Variants in MEFV observed in about 807,000 individuals in gnomAD.
MEFV encodes the protein MEFV innate immunity regulator, pyrin.
In MEFV, 60 loss-of-function variants were observed where a neutral mutation model predicts 62.5. That is an observed-to-expected ratio of 0.96 (90% CI 0.78 to 1.19). The LOEUF is 1.19. Among genes scored for constraint, MEFV ranks in the 50% most tolerant of loss-of-function variants. The pLI is 0.00. For synonymous variants in MEFV, 500 were observed against 415.2 expected, an observed-to-expected ratio of 1.20 and a Z score of -2.48; for missense variants, 1,169 against 1,004.5, an observed-to-expected ratio of 1.16 and a Z score of -2.21.
intron 7 of MEFV, 43 bp from the exon 8 acceptor site, chr16:3,244,329 C>T (rs1398331671): frequency 6.2e-7 from 1 of 1,613,628 alleles, no homozygotes. Context: ...GGAGTTAGGT[C>T]CCTCAGCCAG....
chr16:3,247,113 G>A lies in MEFV; in HGVS notation c.1490C>T (p.Ala497Val), dbSNP rs752603411. 1 of 1,614,242 alleles carries A rather than the reference G, an allele frequency of 6.2e-7. No homozygotes were observed. The highest frequency in any genetic ancestry group is 1.1e-5 in the South Asian group (1 of 91,086). The change falls in exon 5 of 10, where the codon GCA (alanine) becomes GTA (valine). Residue 497 changes from alanine (A) to valine (V), a missense_variant. Ala to Val is a moderately conservative substitution (Grantham distance 64). Coordinates refer to ENST00000219596, the MANE Select transcript of MEFV (RefSeq NM_000243.3). Reference protein sequence around the residue: ...VGQMVGQIRKAYDTRVSQDIA... With the variant: ...VGQMVGQIRKVYDTRVSQDIA... ...GTCCTGGGATACGCGGGTGTCATAT[G>A]CCTTCCTGATCTGCCCAACCATCTG...
Position 3,243,688 on chromosome 16 carries a change from A to G in MEFV, c.1799T>C (p.Val600Ala). ...LIGAQAHAVN[V>A]ILDAETAYPN... ...GTAAGCGGTTTCTGCATCCAGAATC[A>G]CATTAACTGCAAAGAAAATTTGAAT... The change falls in exon 10 of 10, where the codon GTG (valine) becomes GCG (alanine). Residue 600 changes from valine to alanine, a missense_variant. Val to Ala is a moderately conservative substitution (Grantham distance 64). Coordinates refer to ENST00000219596, the MANE Select transcript of MEFV (RefSeq NM_000243.3). The G allele has an allele frequency of 1.9e-6, 3 of 1,610,364 alleles. No homozygotes were observed. Among genetic ancestry groups the G allele is most frequent in the Non-Finnish European group, 1.7e-6 (2 of 1,178,252 alleles).
At position 3,254,332 on chromosome 16, in the gene MEFV, T is replaced by G; in HGVS notation, c.736A>C (p.Thr246Pro). ...GKMRPRSLEVTISTGEKAPAN... is the reference protein window; with the variant it reads ...GKMRPRSLEVPISTGEKAPAN... ...GGCGCCTTCTCCCCTGTAGAAATGG[T>G]GACCTCAAGGCTTCTAGGTCGCATC... The change falls in exon 2 of 10, where the codon ACC (threonine) becomes CCC (proline). Residue 246 changes from threonine to proline, a missense_variant. By Grantham distance (38) the Thr-to-Pro change is conservative. Coordinates refer to ENST00000219596, the MANE Select transcript of MEFV (RefSeq NM_000243.3). 1.2e-6 allele frequency: 2 copies of G among 1,614,240 alleles called. No individual in the cohort carries two copies. The highest frequency in any genetic ancestry group is 1.7e-6 in the Non-Finnish European group (2 of 1,180,040).
rs146056774 is a variant in MEFV, at chr16:3,254,237, G to C, written c.831C>G (p.Pro277=). The C allele has an allele frequency of 6.2e-7, 1 of 1,614,156 alleles. No individual in the cohort carries two copies. Among genetic ancestry groups the C allele is most frequent in the Non-Finnish European group, 8.5e-7 (1 of 1,180,050 alleles). Residue 277 remains proline, a synonymous_variant, in exon 2 of 10, where the codon CCC becomes CCG. Transcript: ENST00000219596. Reference sequence around the variant, plus strand: ...CTCCATCCGGAGTGGGCCTTGCCCGGGGTTCTGTTGCCGAGTCCAGATTCG... The same window carrying C: ...CTCCATCCGGAGTGGGCCTTGCCCGCGGTTCTGTTGCCGAGTCCAGATTCG... ...TAANLDSATE[P]RARPTPDGGA...
rs1959084605 is a variant in MEFV, at chr16:3,254,468, C to A, written c.600G>T (p.Glu200Asp). The A allele has an allele frequency of 6.3e-7, 1 of 1,599,570 alleles. No individual in the cohort carries two copies. The highest frequency in any genetic ancestry group is 1.7e-5 in the Admixed American group (1 of 58,440). Residue 200 changes from glutamate (E) to aspartate (D), a missense_variant, in exon 2 of 10, where the codon GAG becomes GAT. Glu to Asp is a conservative substitution (Grantham distance 45, BLOSUM62 2). Coordinates refer to ENST00000219596, the MANE Select transcript of MEFV (RefSeq NM_000243.3). Reference sequence around the variant, plus strand: ...AGCTGGCGTTTCTGCGCAGCCGGACCTCGGCCTGGCCCCCCTCTAGCGCCC... The same window carrying A: ...AGCTGGCGTTTCTGCGCAGCCGGACATCGGCCTGGCCCCCCTCTAGCGCCC... ...PCRALEGGQAEVRLRRNASSA... is the reference protein window; with the variant it reads ...PCRALEGGQADVRLRRNASSA...
Position 3,243,660 on chromosome 16 carries a change from G to C in MEFV, c.1827C>G (p.Pro609=), listed in dbSNP as rs104895135. Residue 609 remains proline, a synonymous_variant, in exon 10 of 10, where the codon CCC becomes CCG. Transcript: ENST00000219596. The part of the protein sequence containing the change: ...NVILDAETAY[P]NLIFSDDLKS... Reference sequence around the variant, plus strand: ...TCAGATCATCAGAGAAGATGAGGTTGGGGTAAGCGGTTTCTGCATCCAGAA... The same window carrying C: ...TCAGATCATCAGAGAAGATGAGGTTCGGGTAAGCGGTTTCTGCATCCAGAA... 5.3e-5 allele frequency: 85 copies of C among 1,605,450 alleles called. No individual in the cohort carries two copies. In the African/African-American group the frequency reaches 1.0e-3, roughly 19 times the overall value.
Position 3,247,080 on chromosome 16 carries a change from A to G in MEFV, c.1523T>C (p.Leu508Pro). ...CAGTTCCCCAATCAGCGCATCGAGC[A>G]GGGCGATGTCCTGGGATACGCGGGT... ...YDTRVSQDIA[L>P]LDALIGELEA... Residue 508 changes from leucine to proline, a missense_variant, in exon 5 of 10, where the codon CTG (leucine) becomes CCG (proline). By Grantham distance (98) the Leu-to-Pro change is moderately conservative. Transcript: ENST00000219596. The G allele has an allele frequency of 1.2e-6, 2 of 1,614,190 alleles. No individual in the cohort carries two copies. The highest frequency in any genetic ancestry group is 1.1e-5 in the South Asian group (1 of 91,080).
In MEFV at chr16:3,254,537, G is replaced by A; in HGVS notation, c.531C>T (p.Thr177=). The stretch of plus-strand genomic sequence containing the variant: ...TCCCGCCCGGCAGGGCCGGGCTCCG[G>A]GTCCGAGGCTTGCCCTGCGCGTCCA... ...EGLDAQGKPR[T]RSPALPGGRS... is the part of the protein sequence containing the mutation. Residue 177 remains threonine, a synonymous_variant, in exon 2 of 10, where the codon ACC becomes ACT. Transcript: ENST00000219596. 1.3e-6 allele frequency: 2 copies of A among 1,555,488 alleles called. No individual in the cohort carries two copies. The highest frequency in any genetic ancestry group is 1.2e-5 in the South Asian group (1 of 86,566).
Position 3,243,347 on chromosome 16 carries a change from G to A in MEFV, c.2140C>T (p.Pro714Ser), listed in dbSNP as rs1958887093. The A allele has an allele frequency of 1.2e-6, 2 of 1,614,200 alleles. No homozygotes were observed. The highest frequency in any genetic ancestry group is 1.7e-6 in the Non-Finnish European group (2 of 1,180,040). The change falls in exon 10 of 10, where the codon CCT becomes TCT. Residue 714 changes from proline (P) to serine (S), a missense_variant. Physicochemically the swap from Pro to Ser is moderately conservative, Grantham distance 74. Coordinates refer to ENST00000219596, the MANE Select transcript of MEFV (RefSeq NM_000243.3). ...VPPTRLLIKEPPKRVGIFVDY... is the reference protein window; with the variant it reads ...VPPTRLLIKESPKRVGIFVDY... ...ACGAAGATGCCCACACGCTTGGGAG[G>A]CTCCTTTATTAGCAGGCGGGTCGGG...
At position 3,248,914 on chromosome 16, in the gene MEFV, A is replaced by C; in HGVS notation, c.1351T>G (p.Phe451Val). 6.2e-7 allele frequency: 1 copy of C among 1,614,070 alleles called. No homozygotes were observed. Among genetic ancestry groups the C allele is most frequent in the Non-Finnish European group, 8.5e-7 (1 of 1,179,932 alleles). ...RSYGEEKAVSFLKQTEALKQR... is the reference protein window; with the variant it reads ...RSYGEEKAVSVLKQTEALKQR... ...TCAGCCACCTCTGACCTTACCAGAA[A>C]GCTCACTGCCTTCTCCTCCCCATAG... Residue 451 changes from phenylalanine (F) to valine (V), a missense_variant, in exon 4 of 10, where the codon TTT (phenylalanine) becomes GTT (valine). Phe to Val is a conservative substitution (Grantham distance 50). Coordinates refer to ENST00000219596, the MANE Select transcript of MEFV (RefSeq NM_000243.3).
chr16:3,247,570 A>C (rs755546541), intron 4 of MEFV: 6 of 368,640 alleles, frequency 1.6e-5, no homozygotes, highest in Non-Finnish European at 3.1e-5. Flanking sequence ...TTGCAGATGT[A>C]ATTAGTTAAG....
At chr16:3,254,917 G>A in intron 1 of MEFV, 127 bp from the exon 2 acceptor site, 8 of 1,484,624 alleles carry the variant, frequency 5.4e-6, no homozygotes, top group East Asian at 2.4e-5. Context: ...CGGGCCGGGC[G>A]CGGTGGCTCA....
At chr16:3,244,110 G>C in intron 8 of MEFV, 144 bp downstream of exon 8, 1 of 1,554,436 alleles carries the variant, frequency 6.4e-7, no homozygotes, top group Non-Finnish European at 8.7e-7. Context: ...CAGAGCCTGG[G>C]GGGCCTGCCA....
chr16:3,254,155 T>A lies in MEFV; in HGVS notation c.910+3A>T. Reference sequence around the variant, plus strand: ...ATATAAAGTAGGAAAGAACACAATTTACCGGTGACCGAATGTTCTGGATTT... The same window carrying A: ...ATATAAAGTAGGAAAGAACACAATTAACCGGTGACCGAATGTTCTGGATTT... On this transcript the variant is annotated splice_donor_region_variant and intron_variant, in intron 2 of 9. Transcript: ENST00000219596. The A allele has an allele frequency of 6.2e-7, 1 of 1,613,984 alleles. No homozygotes were observed. Among genetic ancestry groups the A allele is most frequent in the Non-Finnish European group, 8.5e-7 (1 of 1,179,922 alleles).
chr16:3,246,679 C>T (rs1958948257), intron 5 of MEFV, 132 bp from the exon 6 acceptor site: 1 of 964,700 alleles, frequency 1.0e-6, no homozygotes. Flanking sequence ...CCTAGGGTGT[C>T]AGTGGAAGTG....
chr16:3,253,343 G>A (rs904881087), intron 2 of MEFV, among the ~76,000 whole-genome samples: 1 of 152,184 alleles, frequency 6.6e-6, no homozygotes, highest in African/African-American at 2.4e-5. Context: ...ATGGAACCCT[G>A]CCCTGGGCCT....
rs1206762845 is a variant in MEFV, at chr16:3,254,671, G to A, written c.397C>T (p.Arg133Trp). Residue 133 changes from arginine (R) to tryptophan (W), a missense_variant, in exon 2 of 10, where the codon CGG becomes TGG. Physicochemically the swap from Arg to Trp is moderately radical, Grantham distance 101. Transcript: ENST00000219596. ...CTGGCAGCTCCGCCCCCGTACGGCC[G>A]AGGGCCGTTCCCCTCGTTCCCCTCG... Reference protein sequence around the residue: ...HPEGNEGNGPRPYGGGAASLR... With the variant: ...HPEGNEGNGPWPYGGGAASLR... The A allele has an allele frequency of 5.6e-6, 9 of 1,611,916 alleles. No individual in the cohort carries two copies. Among genetic ancestry groups the A allele is most frequent in the South Asian group, 3.3e-5 (3 of 91,090 alleles).
chr16:3,254,106 C>A, intron 2 of MEFV, 52 bp downstream of exon 2: 2 of 1,598,602 alleles, frequency 1.3e-6, no homozygotes, highest in Non-Finnish European at 1.7e-6. Context: ...TCGTGCCCGG[C>A]CAGCCATTCT....
Position 3,254,656 on chromosome 16 carries a change from C to CA in MEFV, c.411_412insT (p.Gly138TrpfsTer104), listed in dbSNP as rs758874425. 3.7e-6 allele frequency: 6 copies of CA among 1,609,638 alleles called. No individual in the cohort carries two copies. Among genetic ancestry groups the CA allele is most frequent in the Non-Finnish European group, 5.1e-6 (6 of 1,178,784 alleles). On this transcript the variant is annotated frameshift_variant, in exon 2 of 10. Transcript: ENST00000219596. LOFTEE classifies it high-confidence loss of function. ...TGGCTGCACCGCAGGCTGGCAGCTC[C>CA]GCCCCCGTACGGCCGAGGGCCGTTC...
Sources: gnomAD v4.1 joint callset for allele counts (sites outside exome capture counted in the v4.1 genomes callset) on GRCh38, gnomAD v4.1.1 for gene constraint, MANE v1.5 for transcripts, NCBI Gene and HGNC (gene_info 2026-07-23, HGNC 2026-07-21) for gene names.